CSMD3: variants seen among roughly 807,000 people sequenced by gnomAD.
CSMD3 encodes the protein CUB and sushi domain-containing protein 3.
A neutral mutation model predicts 435.2 loss-of-function variants in CSMD3; 177 were observed. The observed-to-expected ratio is 0.41, with a 90% CI of 0.36 to 0.46. The LOEUF (loss-of-function observed/expected upper bound fraction) is 0.46, where lower values mean the gene tolerates loss of function less well. Among genes scored for constraint, CSMD3 ranks in the 20% least tolerant of loss-of-function variants. The pLI, the probability that CSMD3 is intolerant of heterozygous loss-of-function variation, is 0.34. For synonymous variants in CSMD3, 1,656 were observed against 1,520.5 expected (o/e 1.09, Z -2.07); for missense variants, 4,265 against 4,504.6 (o/e 0.95, Z 1.52).
rs775303439 is a variant in CSMD3 at position 112,638,760 on chromosome 8, C to T, written c.3462G>A (p.Arg1154=). The T allele has an allele frequency of 3.7e-6, 6 of 1,611,876 alleles. No individual in the cohort carries two copies. The East Asian group carries it at 1.3e-4, about 36-fold the overall frequency. ...AATCTGAAATGAAACGCAATTGAGCCCTGAAATTTCCATAGAGACCAGCAT... is the reference window on the plus strand; with the variant it reads ...AATCTGAAATGAAACGCAATTGAGCTCTGAAATTTCCATAGAGACCAGCAT... ...TINAGLYGNF[R]AQLRFISDFS... is the part of the protein sequence containing the mutation. The change falls in exon 21 of 71, where the codon AGG becomes AGA. Residue 1154 remains arginine, a synonymous_variant. Transcript: ENST00000297405.
intron 2 of CSMD3, among the ~76,000 whole-genome samples, chr8:113,280,597 T>C (rs1222688455): frequency 6.6e-6 from 1 of 151,838 alleles, no homozygotes; most frequent in African/African-American, 2.4e-5. Context: ...TTTATCTTTT[T>C]GAAGGACCAG....
intron 13 of CSMD3, among the ~76,000 whole-genome samples, chr8:112,741,978 A>G (rs865905209): frequency 5.3e-5 from 8 of 152,090 alleles, no homozygotes; most frequent in Middle Eastern, 3.4e-3. Context: ...TAGAATTAAT[A>G]GGCTTGACAG....
intron 56 of CSMD3, among the ~76,000 whole-genome samples, chr8:112,291,082 A>G (rs1184666127): frequency 6.6e-6 from 1 of 152,016 alleles, no homozygotes; most frequent in Non-Finnish European, 1.5e-5. Context: ...TATGACAAAT[A>G]TTTAAGGTCA....
chr8:113,240,911 C>T (rs1466249662), intron 3 of CSMD3, among the ~76,000 whole-genome samples: 1 of 152,034 alleles, frequency 6.6e-6, no homozygotes, highest in Non-Finnish European at 1.5e-5. Flanking sequence ...CAGTGAGTAA[C>T]TCAGTTTCAA....
chr8:113,184,169 C>A (rs181657450), intron 3 of CSMD3, among the ~76,000 whole-genome samples: 253 of 152,064 alleles, frequency 1.7e-3, no homozygotes, highest in South Asian at 2.1e-3. Flanking sequence ...TGAAGAGATG[C>A]ATAAGGTGAG....
intron 43 of CSMD3, 116 bp from the exon 44 acceptor site, chr8:112,336,945 T>C (rs1824628554): frequency 1.2e-6 from 1 of 866,000 alleles, no homozygotes; most frequent in Admixed American, 2.0e-5. Flanking sequence ...TATGCCTTGT[T>C]TTTACTTCAG....
At chr8:113,198,913 T>TA (rs1367325184) in intron 3 of CSMD3, among the ~76,000 whole-genome samples, 2 of 151,392 alleles carry the variant, frequency 1.3e-5, no homozygotes, top group African/African-American at 2.4e-5. Context: ...TGAAATTACT[T>TA]AAAAAAGCAA....
chr8:112,573,451 T>C (rs770787068), intron 24 of CSMD3, 50 bp downstream of exon 24: 8 of 1,390,032 alleles, frequency 5.8e-6, no homozygotes, highest in African/African-American at 1.4e-5. Context: ...TTATTTAATA[T>C]ACATGCAGCA....
intron 13 of CSMD3, among the ~76,000 whole-genome samples, chr8:112,730,788 C>T (rs574521372): frequency 6.6e-6 from 1 of 152,160 alleles, no homozygotes; most frequent in African/African-American, 2.4e-5. Flanking sequence ...AAACACAAGT[C>T]AAGCAAATTA....
chr8:112,711,269 G>C (rs1387307812), intron 13 of CSMD3, among the ~76,000 whole-genome samples: 1 of 151,940 alleles, frequency 6.6e-6, no homozygotes, highest in Non-Finnish European at 1.5e-5. Flanking sequence ...CTCATGAAGA[G>C]ATTTTCCTTG....
intron 13 of CSMD3, among the ~76,000 whole-genome samples, chr8:112,755,314 G>A (rs187554812): frequency 1.4e-3 from 206 of 147,972 alleles, no homozygotes; most frequent in African/African-American, 5.0e-3. Context: ...CTGGGCGACG[G>A]AGGGAGACTC....
chr8:112,367,574 T>C (rs1827896680), intron 38 of CSMD3, among the ~76,000 whole-genome samples: 1 of 152,202 alleles, frequency 6.6e-6, no homozygotes, highest in South Asian at 2.1e-4. Flanking sequence ...ATAAAGCTTT[T>C]CAATTATATC....
At chr8:112,974,132 G>A (rs1038208141) in intron 7 of CSMD3, among the ~76,000 whole-genome samples, 1 of 151,892 alleles carries the variant, frequency 6.6e-6, no homozygotes, top group South Asian at 2.1e-4. Context: ...GAATCTACCC[G>A]GGAAGTACTC....
At chr8:112,848,956 C>A (rs949019773) in intron 11 of CSMD3, among the ~76,000 whole-genome samples, 15 of 151,958 alleles carry the variant, frequency 9.9e-5, no homozygotes, top group African/African-American at 3.1e-4. Context: ...TTTTAAGATC[C>A]ACAAGTGATG....
At chr8:113,178,987 A>G (rs1320267724) in intron 3 of CSMD3, among the ~76,000 whole-genome samples, 1 of 151,894 alleles carries the variant, frequency 6.6e-6, no homozygotes, top group African/African-American at 2.4e-5. Context: ...TAAATAATTA[A>G]AATACATTCT....
intron 32 of CSMD3, among the ~76,000 whole-genome samples, chr8:112,452,243 T>C (rs1474862087): frequency 2.0e-5 from 3 of 152,206 alleles, no homozygotes; most frequent in Admixed American, 6.5e-5. Flanking sequence ...AAACATATTT[T>C]ATTCAGTACT....
At chr8:113,369,945 C>A (rs1425259184) in intron 1 of CSMD3, among the ~76,000 whole-genome samples, 2 of 151,638 alleles carry the variant, frequency 1.3e-5, no homozygotes, top group East Asian at 1.9e-4. Context: ...TAAAAGGATA[C>A]AAAATTACCC....
At chr8:113,048,977 G>A (rs933757843) in intron 5 of CSMD3, among the ~76,000 whole-genome samples, 1 of 152,054 alleles carries the variant, frequency 6.6e-6, no homozygotes, top group African/African-American at 2.4e-5. Flanking sequence ...CTTCAGGCCG[G>A]CCTATAATCC....
chr8:113,129,221 A>G (rs7464518), intron 4 of CSMD3, among the ~76,000 whole-genome samples: 75,145 of 151,978 alleles, frequency 0.49, 21,738 homozygotes, highest in East Asian at 0.88. Context: ...CAGTGACTGC[A>G]GCTCAATAGG....
Sources: gnomAD v4.1 joint callset for allele counts (sites outside exome capture counted in the v4.1 genomes callset) on GRCh38, gnomAD v4.1.1 for gene constraint, MANE v1.5 for transcripts, NCBI Gene and HGNC (gene_info 2026-07-23, HGNC 2026-07-21) for gene names.